The following POC1B variants were observed in gnomAD, a reference collection of about 807,000 sequenced individuals.
POC1B encodes POC1 centriolar protein B.
A neutral mutation model predicts 60.6 loss-of-function variants in POC1B; 44 were observed. The observed-to-expected ratio is 0.73, with a 90% CI of 0.57 to 0.93. The LOEUF (loss-of-function observed/expected upper bound fraction) is 0.93, where lower values mean the gene tolerates loss of function less well. POC1B is among the 40% of genes least tolerant of loss of function. The pLI is 0.00. For synonymous variants in POC1B, 180 were observed against 198.9 expected, an observed-to-expected ratio of 0.90 and a Z score of 0.80; for missense variants, 555 against 572.3, an observed-to-expected ratio of 0.97 and a Z score of 0.31.
downstream of POC1B, among the ~76,000 whole-genome samples, chr12:89,418,989 G>A (rs1009301833): frequency 1.3e-5 from 2 of 152,132 alleles, no homozygotes; most frequent in Admixed American, 6.6e-5. Context: ...GTAAGAAGTG[G>A]TCAGGTGTTT....
chr12:89,503,240 G>C lies in POC1B; in HGVS notation c.101-5898C>G, dbSNP rs372053767. ...CCTGATTCTCCTGCCTCAGCCTGCC[G>C]AGTGCCTGCGATTGCAGGCACGCGC... On this transcript the variant is annotated intron_variant, in intron 2 of 11. Coordinates refer to ENST00000313546, the MANE Select transcript of POC1B (RefSeq NM_172240.3). 2.0e-5 allele frequency among the ~76,000 whole-genome samples: 3 copies of C among 150,910 alleles called. No homozygotes were observed. In the South Asian group the frequency reaches 6.4e-4, roughly 32 times the overall value.
intron 10 of POC1B, 75 bp downstream of exon 10, chr12:89,459,563 T>A: frequency 1.1e-6 from 1 of 874,406 alleles, no homozygotes. Flanking sequence ...CCAACATTTT[T>A]TAAAGGAAAA....
Position 89,522,748 on chromosome 12 carries a change from G to A in POC1B, c.100+2372C>T, listed in dbSNP as rs959928177. 2.7e-6 allele frequency: 4 copies of A among 1,504,638 alleles called. No individual in the cohort carries two copies. The African/African-American group carries it at 5.6e-5, about 21-fold the overall frequency. 93.2% of individuals were successfully genotyped at this position (1,504,638 alleles called of 1,614,324 possible). ...TAAAATAAAATACAATCTTCACTGA[G>A]GCTCTTAAGGCTCTTTGACTTTCTT... On this transcript the variant is annotated intron_variant, in intron 2 of 11. Transcript: ENST00000313546.
chr12:89,523,091 C>G, intron 2 of POC1B: 1 of 1,613,864 alleles, frequency 6.2e-7, no homozygotes, highest in South Asian at 1.1e-5. Flanking sequence ...GAAGTATATT[C>G]AAAGAATTGA....
At chr12:89,492,341 A>G (rs2135738475) in intron 3 of POC1B, among the ~76,000 whole-genome samples, 1 of 152,232 alleles carries the variant, frequency 6.6e-6, no homozygotes, top group Non-Finnish European at 1.5e-5. Flanking sequence ...AAAGAAGAGA[A>G]TAGAAAAACA....
At chr12:89,466,382 G>A (rs1882685662) in intron 9 of POC1B, among the ~76,000 whole-genome samples, 1 of 150,674 alleles carries the variant, frequency 6.6e-6, no homozygotes, top group Non-Finnish European at 1.5e-5. Flanking sequence ...ATTTTTTTTT[G>A]CTGTAAAAGA....
chr12:89,422,548 G>A (rs948667895), intron 11 of POC1B, among the ~76,000 whole-genome samples: 3 of 152,330 alleles, frequency 2.0e-5, no homozygotes, highest in Non-Finnish European at 4.4e-5. Flanking sequence ...CAGGTTACAT[G>A]CCTTGGAAAG....
At chr12:89,511,945 T>C (rs1870209400) in intron 2 of POC1B, among the ~76,000 whole-genome samples, 1 of 152,100 alleles carries the variant, frequency 6.6e-6, no homozygotes, top group African/African-American at 2.4e-5. Flanking sequence ...TACTAGCTAC[T>C]TGGGAGGCTG....
At chr12:89,518,712 T>C (rs1389152320) in intron 2 of POC1B, among the ~76,000 whole-genome samples, 13 of 152,124 alleles carry the variant, frequency 8.5e-5, no homozygotes, top group Admixed American at 8.5e-4. Flanking sequence ...TAATGTACTG[T>C]CTCTATGGAT....
intron 4 of POC1B, among the ~76,000 whole-genome samples, chr12:89,485,807 A>G (rs1409582662): frequency 6.6e-6 from 1 of 152,194 alleles, no homozygotes; most frequent in Non-Finnish European, 1.5e-5. Context: ...AGATAAACCT[A>G]AGCCTACTCA....
At chr12:89,403,120 G>A in the POC1B span, among the ~76,000 whole-genome samples, 2 of 151,474 alleles carry the variant, frequency 1.3e-5, no homozygotes, top group Admixed American at 6.6e-5. Context: ...CAATCCTCCT[G>A]CCTCAGCCTC....
At chr12:89,405,632 C>T in the POC1B span, among the ~76,000 whole-genome samples, 1 of 152,000 alleles carries the variant, frequency 6.6e-6, no homozygotes, top group Non-Finnish European at 1.5e-5. Flanking sequence ...GTTGTTTAAG[C>T]CATAAGGATA....
chr12:89,486,237 G>T (rs145329677), intron 4 of POC1B, among the ~76,000 whole-genome samples: 6 of 152,182 alleles, frequency 3.9e-5, no homozygotes, highest in African/African-American at 1.4e-4. Context: ...CTTGTAATTC[G>T]AAGTCTAATA....
At chr12:89,490,620 C>G (rs1268522813) in intron 4 of POC1B, among the ~76,000 whole-genome samples, 1 of 152,148 alleles carries the variant, frequency 6.6e-6, no homozygotes, top group African/African-American at 2.4e-5. Context: ...GCTGGGATTA[C>G]AAGCATGAGC....
the POC1B span, among the ~76,000 whole-genome samples, chr12:89,408,898 G>A: frequency 6.6e-6 from 1 of 152,126 alleles, no homozygotes; most frequent in African/African-American, 2.4e-5. Flanking sequence ...TTTTTCATAT[G>A]CTTGTTGGCT....
chr12:89,466,893 T>A lies in POC1B; in HGVS notation c.909A>T (p.Glu303Asp), dbSNP rs1391259872. The A allele has an allele frequency of 6.2e-7, 1 of 1,612,660 alleles. No homozygotes were observed. Among genetic ancestry groups the A allele is most frequent in the African/African-American group, 1.3e-5 (1 of 74,890 alleles). Residue 303 changes from glutamate to aspartate, a missense_variant, in exon 9 of 12, where the codon GAA becomes GAT. By Grantham distance (45) the Glu-to-Asp change is conservative. Transcript: ENST00000313546. ...TTTTGGTAAGACCTTTACAATGCAATTCATCAAAGTTAGTCCTCCATAATA... is the reference window on the plus strand; with the variant it reads ...TTTTGGTAAGACCTTTACAATGCAAATCATCAAAGTTAGTCCTCCATAATA... Reference protein sequence around the residue: ...QVLLWRTNFDELHCKGLTKRN... With the variant: ...QVLLWRTNFDDLHCKGLTKRN...
chr12:89,408,736 C>T, the POC1B span, among the ~76,000 whole-genome samples: 1 of 152,202 alleles, frequency 6.6e-6, no homozygotes, highest in African/African-American at 2.4e-5. Context: ...ATCTGCCTGC[C>T]TCAGCCTCCC....
At chr12:89,502,222 G>A in intron 2 of POC1B, 1 of 1,169,794 alleles carries the variant, frequency 8.5e-7, no homozygotes, top group Non-Finnish European at 1.3e-6. Context: ...GGATGATGAG[G>A]AAGTTCCTGG....
intron 10 of POC1B, among the ~76,000 whole-genome samples, chr12:89,431,420 G>A (rs879562655): frequency 6.7e-6 from 1 of 149,918 alleles, no homozygotes; most frequent in Non-Finnish European, 1.5e-5. Context: ...GATGTTCTGA[G>A]ATTTTTAAAT....
Sources: allele counts gnomAD v4.1 joint callset (sites outside exome capture counted in the v4.1 genomes callset), GRCh38; gene constraint gnomAD v4.1.1; transcripts MANE v1.5; gene names NCBI Gene and HGNC (gene_info 2026-07-23, HGNC 2026-07-21).